Variants in GRM7 observed in about 807,000 individuals in gnomAD.
GRM7 encodes the protein glutamate metabotropic receptor 7.
A neutral mutation model predicts 84.5 loss-of-function variants in GRM7; 35 were observed. The ratio of observed to expected loss-of-function variants is 0.41; its 90% CI spans 0.32 to 0.55. The LOEUF (loss-of-function observed/expected upper bound fraction) is 0.55. Among genes scored for constraint, GRM7 ranks in the 20% least tolerant of loss-of-function variants. The pLI, the probability that GRM7 is intolerant of heterozygous loss-of-function variation, is 0.19. For missense variants in GRM7, 1,003 were observed against 1,194.6 expected (o/e 0.84, Z 2.36); for synonymous variants, 487 against 455.1 (o/e 1.07, Z -0.89).
intron 4 of GRM7, among the ~76,000 whole-genome samples, chr3:7,339,688 T>G (rs1241315317): frequency 6.6e-6 from 1 of 151,432 alleles, no homozygotes; most frequent in African/African-American, 2.4e-5. Flanking sequence ...TGCTTCTTCA[T>G]GGCAAGGAAC....
rs771275260 is a variant in GRM7 at position 7,005,968 on chromosome 3, C to T, written c.520-140484C>T. Among the ~76,000 whole-genome samples the T allele has an allele frequency of 5.9e-5, 9 of 151,996 alleles. No homozygotes were observed. In the East Asian group the frequency reaches 7.7e-4, roughly 13 times the overall value. ...CTGTGTCATATCCCTACTCAGGTAA[C>T]GAAGGGGATATAGCCAAACTCATTC... On this transcript the variant is annotated intron_variant, in intron 1 of 9. Transcript: ENST00000357716.
At chr3:6,899,770 A>C (rs949384583) in intron 1 of GRM7, among the ~76,000 whole-genome samples, 6 of 152,208 alleles carry the variant, frequency 3.9e-5, no homozygotes, top group African/African-American at 1.4e-4. Context: ...TCATTGACCA[A>C]ACTAAGACTA....
chr3:7,021,051 TTA>T (rs1695757399), intron 1 of GRM7, among the ~76,000 whole-genome samples: 1 of 152,200 alleles, frequency 6.6e-6, no homozygotes. Flanking sequence ...CCCTGCCAGA[TTA>T]TGTTTTCTAT....
intron 5 of GRM7, among the ~76,000 whole-genome samples, chr3:7,444,736 A>G (rs1214020037): frequency 6.6e-6 from 1 of 152,148 alleles, no homozygotes; most frequent in Non-Finnish European, 1.5e-5. Context: ...TATTCACTGC[A>G]TGTATCTTTC....
At chr3:7,113,728 G>A (rs1034334173) in intron 1 of GRM7, among the ~76,000 whole-genome samples, 3 of 152,122 alleles carry the variant, frequency 2.0e-5, no homozygotes, top group Non-Finnish European at 2.9e-5. Context: ...GATGGTATAA[G>A]ATGTGATGAA....
At chr3:7,012,468 T>C (rs1418166090) in intron 1 of GRM7, among the ~76,000 whole-genome samples, 1 of 152,232 alleles carries the variant, frequency 6.6e-6, no homozygotes, top group African/African-American at 2.4e-5. Context: ...TACCCCAGAA[T>C]AGCCCTCATT....
At chr3:7,384,202 C>G (rs1163509503) in intron 4 of GRM7, among the ~76,000 whole-genome samples, 1 of 151,936 alleles carries the variant, frequency 6.6e-6, no homozygotes, top group Non-Finnish European at 1.5e-5. Context: ...CTAATTTTTA[C>G]ATTTTTAGTA....
At chr3:6,900,245 G>A (rs1287292356) in intron 1 of GRM7, among the ~76,000 whole-genome samples, 1 of 152,070 alleles carries the variant, frequency 6.6e-6, no homozygotes, top group African/African-American at 2.4e-5. Context: ...ATAAAACAAG[G>A]GGCTGACATG....
At chr3:7,012,549 C>T (rs1295363372) in intron 1 of GRM7, among the ~76,000 whole-genome samples, 1 of 151,952 alleles carries the variant, frequency 6.6e-6, no homozygotes, top group Non-Finnish European at 1.5e-5. Flanking sequence ...TCTGACCTTC[C>T]CCCATCCTTC....
At chr3:6,879,988 A>G (rs1386672081) in intron 1 of GRM7, among the ~76,000 whole-genome samples, 1 of 152,212 alleles carries the variant, frequency 6.6e-6, no homozygotes, top group Non-Finnish European at 1.5e-5. Context: ...TTAACCCAGA[A>G]GAAAGAACAT....
chr3:7,400,388 C>T (rs1244289842), intron 4 of GRM7, among the ~76,000 whole-genome samples: 2 of 152,148 alleles, frequency 1.3e-5, no homozygotes, highest in African/African-American at 4.8e-5. Flanking sequence ...AGAACCAACC[C>T]TCAATGACTT....
At chr3:7,537,881 T>G (rs903810737) in intron 7 of GRM7, among the ~76,000 whole-genome samples, 2 of 152,164 alleles carry the variant, frequency 1.3e-5, no homozygotes, top group African/African-American at 4.8e-5. Context: ...GCCAATATGG[T>G]CTACAGTCTG....
In GRM7 at chr3:7,359,220, T is replaced by TTGTGTG. The variant is rs34535570; in HGVS notation, c.1033+52598_1033+52603dup. 3.4e-3 allele frequency among the ~76,000 whole-genome samples: 451 copies of TTGTGTG among 133,228 alleles called. 36 individuals are homozygous for TTGTGTG. Among genetic ancestry groups the TTGTGTG allele is most frequent in the South Asian group, 0.014 (61 of 4,274 alleles). The allele number at this position is 133,228 out of a possible 152,430, so 87.4% of individuals were successfully genotyped here. ...TTACCATTTGGTAGGGTGTTTGTGT[T>TTGTGTG]TGTGTGTGTGTGTGTGTGTGTGTGT... On this transcript the variant is annotated intron_variant, in intron 4 of 9. Transcript: ENST00000357716.
intron 1 of GRM7, among the ~76,000 whole-genome samples, chr3:7,078,798 A>G (rs1275588700): frequency 6.6e-6 from 1 of 151,818 alleles, no homozygotes; most frequent in African/African-American, 2.4e-5. Context: ...GTGGGGAGGA[A>G]ATGTAGGCTT....
intron 4 of GRM7, among the ~76,000 whole-genome samples, chr3:7,394,650 T>G (rs1020255730): frequency 0.013 from 1 of 80 alleles, no homozygotes; most frequent in Admixed American, 0.083. Context: ...CGTGGGATCT[T>G]GCAGGCAGCA....
intron 1 of GRM7, among the ~76,000 whole-genome samples, chr3:6,959,409 G>A (rs1291586242): frequency 1.3e-5 from 2 of 151,956 alleles, no homozygotes; most frequent in African/African-American, 2.4e-5. Flanking sequence ...AGATGGTTAA[G>A]GTATGTAAAA....
intron 2 of GRM7, among the ~76,000 whole-genome samples, chr3:7,170,763 G>A (rs1053602581): frequency 1.3e-5 from 2 of 152,160 alleles, no homozygotes; most frequent in Non-Finnish European, 2.9e-5. Flanking sequence ...TAGTCTGTCA[G>A]ATTAGGAGAA....
At chr3:7,726,089 AT>A (rs1702115645) in intron 9 of GRM7, among the ~76,000 whole-genome samples, 1 of 152,180 alleles carries the variant, frequency 6.6e-6, no homozygotes, top group Non-Finnish European at 1.5e-5. Flanking sequence ...TCATTTTGTA[AT>A]TAATAATGAG....
rs372898836 is a variant in GRM7, at chr3:7,473,489, G to GGAGAGAGAGAGAGAGAGAGAGAGA, written c.1515+11786_1515+11809dup. Among the ~76,000 whole-genome samples the GGAGAGAGAGAGAGAGAGAGAGAGA allele has an allele frequency of 5.0e-4, 63 of 126,422 alleles. 1 individual carries two copies. Among genetic ancestry groups the GGAGAGAGAGAGAGAGAGAGAGAGA allele is most frequent in the Non-Finnish European group, 8.9e-4 (54 of 60,948 alleles). 82.9% of individuals were successfully genotyped at this position (126,422 alleles called of 152,430 possible). On this transcript the variant is annotated intron_variant, in intron 7 of 9. Transcript: ENST00000357716. The stretch of plus-strand genomic sequence containing the variant: ...AGACTCTGTCTCTTAAAAACGAGAG[G>GGAGAGAGAGAGAGAGAGAGAGAGA]GAGAGAGAGAGAGAGAGAGAGAGAG...
Sources: gnomAD v4.1 joint callset for allele counts (sites outside exome capture counted in the v4.1 genomes callset) on GRCh38, gnomAD v4.1.1 for gene constraint, MANE v1.5 for transcripts, NCBI Gene and HGNC (gene_info 2026-07-23, HGNC 2026-07-21) for gene names.